The following TRIO variants were observed in gnomAD, a reference collection of about 807,000 sequenced individuals.
TRIO encodes trio Rho guanine nucleotide exchange factor.
TRIO carries 58 observed loss-of-function variants against 351.9 expected under a neutral mutation model. The ratio of observed to expected loss-of-function variants is 0.16; its 90% confidence interval spans 0.13 to 0.21. The LOEUF (loss-of-function observed/expected upper bound fraction) is 0.21. Ranked by LOEUF, TRIO falls within the 10% of genes least tolerant of loss-of-function variation. TRIO has a pLI of 1.00. For synonymous variants in TRIO, 1,758 were observed against 1,595.7 expected, an observed-to-expected ratio of 1.10 and a Z score of -2.42; for missense variants, 3,201 against 4,027.8, an observed-to-expected ratio of 0.79 and a Z score of 5.56.
rs185908524 is a variant in TRIO at position 14,438,918 on chromosome 5, A to G, written c.5203+18897A>G. Among the ~76,000 whole-genome samples, 11 of 152,234 alleles carry G rather than the reference A, an allele frequency of 7.2e-5. No homozygotes were observed. The East Asian group carries it at 1.7e-3, about 24-fold the overall frequency. On this transcript the variant is annotated intron_variant, in intron 34 of 56. Transcript: ENST00000344204. ...ACACGCTCTGCAGTCTCTCACCTAC[A>G]TGACTGGAAGGAGGGAGGGGACCCA...
intron 29 of TRIO, 35 bp downstream of exon 29, chr5:14,397,189 G>A (rs1459172453): frequency 2.0e-6 from 3 of 1,526,252 alleles, no homozygotes; most frequent in Non-Finnish European, 1.8e-6. Flanking sequence ...GTGCATCTAT[G>A]CAGTTTCTAA....
chr5:14,479,955 A>C lies in TRIO; in HGVS notation c.6280A>C (p.Thr2094Pro). The C allele has an allele frequency of 6.2e-7, 1 of 1,614,192 alleles. No individual in the cohort carries two copies. Among genetic ancestry groups the C allele is most frequent in the Non-Finnish European group, 8.5e-7 (1 of 1,180,018 alleles). Residue 2094 changes from threonine (T) to proline (P), a missense_variant, in exon 43 of 57, where the codon ACA (threonine) becomes CCA (proline). Around this residue, in one of 19 missense-constraint regions of TRIO, gnomAD observed 307 missense variants for 396.5 expected, o/e 0.77. Coordinates refer to ENST00000344204, the MANE Select transcript of TRIO (RefSeq NM_007118.4). ...KQRLGHRLQLTDLLIKPVQRI... is the reference protein window; with the variant it reads ...KQRLGHRLQLPDLLIKPVQRI... Reference sequence around the variant, plus strand: ...GCGTCTTGGCCACAGGTTACAGCTCACAGATCTGTTGATCAAACCAGTGCA... The same window carrying C: ...GCGTCTTGGCCACAGGTTACAGCTCCCAGATCTGTTGATCAAACCAGTGCA...
chr5:14,238,379 C>T (rs1435457587), intron 1 of TRIO, among the ~76,000 whole-genome samples: 1 of 152,072 alleles, frequency 6.6e-6, no homozygotes, highest in Non-Finnish European at 1.5e-5. Context: ...TTTTTCCCTC[C>T]TGCATGGTAT....
chr5:14,405,733 CTA>C, intron 31 of TRIO, 113 bp from the exon 32 acceptor site: 1 of 1,314,082 alleles, frequency 7.6e-7, no homozygotes, highest in Non-Finnish European at 1.0e-6. Context: ...TGCTTTTCTG[CTA>C]AAAAGTCATT....
intron 34 of TRIO, among the ~76,000 whole-genome samples, chr5:14,436,492 CA>C (rs1751597934): frequency 6.6e-6 from 1 of 152,278 alleles, no homozygotes; most frequent in Admixed American, 6.5e-5. Flanking sequence ...CAAAAGCAAT[CA>C]TACTTTCCAA....
At chr5:14,270,353 C>T (rs1227671399) in intron 1 of TRIO, among the ~76,000 whole-genome samples, 2 of 152,174 alleles carry the variant, frequency 1.3e-5, no homozygotes, top group African/African-American at 2.4e-5. Context: ...CGCCTTGCCA[C>T]TGTGTATTTT....
intron 1 of TRIO, among the ~76,000 whole-genome samples, chr5:14,169,129 A>C (rs1268764840): frequency 6.6e-6 from 1 of 150,546 alleles, no homozygotes; most frequent in Non-Finnish European, 1.5e-5. Flanking sequence ...TTAAAGGGAA[A>C]TTTGAGACAT....
intron 1 of TRIO, among the ~76,000 whole-genome samples, chr5:14,183,601 GA>G (rs1202353999): frequency 6.6e-6 from 1 of 150,998 alleles, no homozygotes; most frequent in Non-Finnish European, 1.5e-5. Flanking sequence ...ATTAAAAAGA[GA>G]AAAAAACAGA....
chr5:14,474,669 T>C (rs1372541968), intron 40 of TRIO, among the ~76,000 whole-genome samples: 2 of 152,170 alleles, frequency 1.3e-5, no homozygotes, highest in African/African-American at 4.8e-5. Flanking sequence ...TTTTATGTTA[T>C]TTTTATTTTT....
Position 14,173,909 on chromosome 5 carries a change from G to A in TRIO, c.157+30027G>A, listed in dbSNP as rs559268463. 2.0e-5 allele frequency among the ~76,000 whole-genome samples: 3 copies of A among 152,374 alleles called. No homozygotes were observed. The South Asian group carries it at 6.2e-4, about 32-fold the overall frequency. On this transcript the variant is annotated intron_variant, in intron 1 of 56. Transcript: ENST00000344204. ...TTGTATAAATGTAGAGCCACATGCT[G>A]TCTGTATGTCTTGGCTGTTCTCTTG...
At chr5:14,367,107 C>G in intron 16 of TRIO, 128 bp downstream of exon 16, 1 of 1,328,816 alleles carries the variant, frequency 7.5e-7, no homozygotes, top group Non-Finnish European at 1.0e-6. Flanking sequence ...CTCAGAGGAC[C>G]CAAATTGGCA....
intron 8 of TRIO, among the ~76,000 whole-genome samples, chr5:14,315,338 C>T (rs999157885): frequency 6.0e-5 from 9 of 150,414 alleles, no homozygotes; most frequent in Admixed American, 1.3e-4. Flanking sequence ...CTGCAACTTT[C>T]ATCTCCTGGG....
intron 28 of TRIO, among the ~76,000 whole-genome samples, chr5:14,395,559 A>G (rs1202694415): frequency 6.6e-6 from 1 of 152,170 alleles, no homozygotes; most frequent in African/African-American, 2.4e-5. Flanking sequence ...AGTACACTGC[A>G]TTTGTGAGCA....
At chr5:14,149,250 AAG>A in intron 1 of TRIO, among the ~76,000 whole-genome samples, 1 of 152,256 alleles carries the variant, frequency 6.6e-6, no homozygotes, top group Admixed American at 6.5e-5. Context: ...GTAAATCTCA[AAG>A]AGAGATACCT....
chr5:14,379,603 A>G (rs992710632), intron 20 of TRIO, among the ~76,000 whole-genome samples: 8 of 152,234 alleles, frequency 5.3e-5, no homozygotes, highest in South Asian at 2.1e-4. Context: ...ACCATATTCA[A>G]GATCATCGGA....
At chr5:14,288,404 C>A (rs2152282889) in intron 4 of TRIO, among the ~76,000 whole-genome samples, 1 of 152,230 alleles carries the variant, frequency 6.6e-6, no homozygotes, top group South Asian at 2.1e-4. Context: ...TGTGGTGGCT[C>A]ACGCCTGTAA....
chr5:14,240,877 CTG>C (rs1794088621), intron 1 of TRIO, among the ~76,000 whole-genome samples: 1 of 152,110 alleles, frequency 6.6e-6, no homozygotes, highest in Non-Finnish European at 1.5e-5. Context: ...TTCATTAAAA[CTG>C]TTGGCAAAAC....
intron 34 of TRIO, among the ~76,000 whole-genome samples, chr5:14,429,900 G>A (rs1208758672): frequency 2.0e-5 from 3 of 152,100 alleles, no homozygotes; most frequent in African/African-American, 7.2e-5. Context: ...TTTATCCCTT[G>A]ACCCCATTCC....
At chr5:14,147,101 T>C (rs1412400483) in intron 1 of TRIO, among the ~76,000 whole-genome samples, 2 of 152,348 alleles carry the variant, frequency 1.3e-5, no homozygotes, top group East Asian at 3.9e-4. Flanking sequence ...AACTTCACTT[T>C]TCTCCTTTGC....
Sources: gnomAD v4.1 joint callset for allele counts (sites outside exome capture counted in the v4.1 genomes callset) on GRCh38, gnomAD v4.1.1 for gene constraint, gnomAD v4.1.1 regional missense constraint, MANE v1.5 for transcripts, NCBI Gene and HGNC (gene_info 2026-07-23, HGNC 2026-07-21) for gene names.